PEX5L: variants seen among roughly 807,000 people sequenced by gnomAD.
The protein encoded by PEX5L is PEX5-related protein.
A neutral mutation model predicts 84.0 loss-of-function variants in PEX5L; 30 were observed. The observed-to-expected ratio is 0.36, with a 90% CI of 0.27 to 0.48. The LOEUF (loss-of-function observed/expected upper bound fraction) is 0.48, where lower values mean the gene tolerates loss of function less well. PEX5L is among the 20% of genes least tolerant of loss of function. The pLI, the probability that PEX5L is intolerant of heterozygous loss-of-function variation, is 0.99. For missense variants in PEX5L, 533 were observed against 754.6 expected (o/e 0.71, Z 3.44); for synonymous variants, 270 against 283.1 (o/e 0.95, Z 0.46).
intron 2 of PEX5L, among the ~76,000 whole-genome samples, chr3:179,937,696 T>C (rs1578692037): frequency 6.6e-6 from 1 of 152,268 alleles, no homozygotes; most frequent in South Asian, 2.1e-4. Flanking sequence ...GAAAGCAGAA[T>C]GTCCTAATTT....
intron 2 of PEX5L, among the ~76,000 whole-genome samples, chr3:179,898,966 G>A (rs1055922738): frequency 7.2e-5 from 11 of 151,924 alleles, no homozygotes; most frequent in East Asian, 1.9e-4. Flanking sequence ...CATAACTGAC[G>A]TAAAGGATAA....
chr3:179,919,121 A>AAAGCATC (rs1768336603), intron 2 of PEX5L, among the ~76,000 whole-genome samples: 1 of 152,162 alleles, frequency 6.6e-6, no homozygotes, highest in Admixed American at 6.5e-5. Flanking sequence ...GTTATCAGTA[A>AAAGCATC]AGTGGAAAAG....
At chr3:179,959,173 C>G (rs200864882) in intron 2 of PEX5L, among the ~76,000 whole-genome samples, 3 of 11,476 alleles carry the variant, frequency 2.6e-4, no homozygotes, top group Non-Finnish European at 4.9e-4. Flanking sequence ...GTCCATGAAC[C>G]AACCACTCTT....
chr3:180,023,527 A>G (rs1790607809), intron 1 of PEX5L, among the ~76,000 whole-genome samples: 1 of 152,076 alleles, frequency 6.6e-6, no homozygotes, highest in Non-Finnish European at 1.5e-5. Flanking sequence ...TTTCCATTAT[A>G]TGGTTAGTAG....
intron 1 of PEX5L, among the ~76,000 whole-genome samples, chr3:179,975,812 T>C (rs1172410851): frequency 6.6e-6 from 1 of 152,202 alleles, no homozygotes; most frequent in Non-Finnish European, 1.5e-5. Context: ...TTTCCTCATA[T>C]CTGCTTTTCC....
intron 1 of PEX5L, among the ~76,000 whole-genome samples, chr3:180,014,345 G>A (rs1001377535): frequency 1.3e-5 from 2 of 152,176 alleles, no homozygotes; most frequent in Non-Finnish European, 2.9e-5. Context: ...GGTGGCGGGC[G>A]CCTGGAGTCC....
At chr3:179,967,908 A>G (rs1783761611) in intron 2 of PEX5L, among the ~76,000 whole-genome samples, 1 of 152,154 alleles carries the variant, frequency 6.6e-6, no homozygotes, top group African/African-American at 2.4e-5. Flanking sequence ...AATCTATGTT[A>G]TATCAAGCCC....
chr3:179,974,809 G>A (rs1480988169), intron 1 of PEX5L, among the ~76,000 whole-genome samples: 2 of 152,076 alleles, frequency 1.3e-5, no homozygotes, highest in Non-Finnish European at 2.9e-5. Flanking sequence ...CCTACCTCCT[G>A]TTTCCTACCC....
chr3:179,801,591 GT>G lies in PEX5L; in HGVS notation c.*236del. ...ACACACAGTTACTTTATCTTGGTTT[GT>G]CTTGAGTCTCTTAATTCTTCTTTTG... is the stretch of plus-strand genomic sequence containing the variant. On this transcript the variant is annotated 3_prime_UTR_variant, in exon 15 of 15. Coordinates refer to ENST00000467460, the MANE Select transcript of PEX5L (RefSeq NM_016559.3). 1 of 500,326 alleles carries G rather than the reference GT, an allele frequency of 2.0e-6. No individual in the cohort carries two copies. The highest frequency in any genetic ancestry group is 3.6e-6 in the Non-Finnish European group (1 of 280,262). The allele number at this position is 500,326 out of a possible 1,614,324, so 31.0% of individuals were successfully genotyped here.
chr3:180,013,828 C>A (rs979903446), intron 1 of PEX5L, among the ~76,000 whole-genome samples: 2 of 152,162 alleles, frequency 1.3e-5, no homozygotes, highest in East Asian at 1.9e-4. Context: ...TGTATTATGA[C>A]TGATTTTTAA....
At chr3:179,988,031 G>A (rs889475531) in intron 1 of PEX5L, among the ~76,000 whole-genome samples, 27 of 152,136 alleles carry the variant, frequency 1.8e-4, no homozygotes, top group African/African-American at 4.8e-4. Flanking sequence ...AAGACCAGAC[G>A]ATCTTTCACA....
At chr3:179,966,536 A>T (rs1477099006) in intron 2 of PEX5L, among the ~76,000 whole-genome samples, 1 of 152,194 alleles carries the variant, frequency 6.6e-6, no homozygotes, top group Non-Finnish European at 1.5e-5. Context: ...GACCAAAGTT[A>T]GTTGCTTAGA....
At chr3:179,915,452 C>T (rs1051449537) in intron 2 of PEX5L, among the ~76,000 whole-genome samples, 5 of 152,144 alleles carry the variant, frequency 3.3e-5, no homozygotes, top group African/African-American at 1.2e-4. Context: ...CTAGTACATT[C>T]GTATTCAGTG....
chr3:179,900,425 C>T (rs1451451378), intron 2 of PEX5L, among the ~76,000 whole-genome samples: 1 of 152,074 alleles, frequency 6.6e-6, no homozygotes, highest in Non-Finnish European at 1.5e-5. Context: ...AATTTCAGGT[C>T]AATTTTTCAG....
intron 1 of PEX5L, among the ~76,000 whole-genome samples, chr3:179,975,049 C>T (rs1284976445): frequency 3.3e-5 from 5 of 151,952 alleles, no homozygotes; most frequent in African/African-American, 7.2e-5. Context: ...ATTAGCTGGA[C>T]GTAGTGGCGT....
At chr3:179,980,985 C>T (rs1266249461) in intron 1 of PEX5L, among the ~76,000 whole-genome samples, 1 of 150,300 alleles carries the variant, frequency 6.7e-6, no homozygotes, top group Non-Finnish European at 1.5e-5. Context: ...GATTGTACCA[C>T]TGTACTCTAG....
At chr3:179,896,930 G>A (rs1253756413) in intron 3 of PEX5L, among the ~76,000 whole-genome samples, 1 of 152,062 alleles carries the variant, frequency 6.6e-6, no homozygotes, top group Admixed American at 6.6e-5. Flanking sequence ...TCTTTCCAAT[G>A]ATTACCATGT....
chr3:179,995,159 T>C (rs1157657465), intron 1 of PEX5L, among the ~76,000 whole-genome samples: 3 of 148,066 alleles, frequency 2.0e-5, no homozygotes, highest in Non-Finnish European at 4.5e-5. Flanking sequence ...ATACATACTA[T>C]ATATACTATA....
intron 7 of PEX5L, among the ~76,000 whole-genome samples, chr3:179,863,115 T>C (rs1210910004): frequency 6.6e-6 from 1 of 152,226 alleles, no homozygotes; most frequent in African/African-American, 2.4e-5. Context: ...TAAATGGTTC[T>C]TGGAAAACTG....
Sources: allele counts gnomAD v4.1 joint callset (sites outside exome capture counted in the v4.1 genomes callset), GRCh38; gene constraint gnomAD v4.1.1; transcripts MANE v1.5; gene names NCBI Gene and HGNC (gene_info 2026-07-23, HGNC 2026-07-21).